The following SKAP2 variants were observed in gnomAD, a reference collection of about 807,000 sequenced individuals.
SKAP2 encodes the protein src kinase associated phosphoprotein 2, also known as src kinase-associated phosphoprotein 2.
A neutral mutation model predicts 54.9 loss-of-function variants in SKAP2; 28 were observed. That is an observed-to-expected ratio of 0.51 (90% confidence interval 0.38 to 0.70). SKAP2 has a LOEUF of 0.70. Ranked by LOEUF, SKAP2 falls within the 30% of genes least tolerant of loss-of-function variation. The pLI is 0.00. For synonymous variants in SKAP2, 137 were observed against 134.3 expected (o/e 1.02, Z -0.14); for missense variants, 356 against 424.1 (o/e 0.84, Z 1.41).
At chr7:26,757,578 C>A (rs1049548901) in intron 4 of SKAP2, among the ~76,000 whole-genome samples, 1 of 152,058 alleles carries the variant, frequency 6.6e-6, no homozygotes, top group Non-Finnish European at 1.5e-5. Flanking sequence ...TTACTGTAGC[C>A]TTGTAGTATA....
intron 9 of SKAP2, among the ~76,000 whole-genome samples, chr7:26,694,940 G>A (rs1255045158): frequency 2.7e-5 from 4 of 150,654 alleles, no homozygotes; most frequent in South Asian, 2.1e-4. Flanking sequence ...GGGCATTTAC[G>A]GCTTACTAAT....
chr7:26,861,975 T>G (rs1419761239), intron 1 of SKAP2, among the ~76,000 whole-genome samples: 1 of 152,014 alleles, frequency 6.6e-6, no homozygotes, highest in African/African-American at 2.4e-5. Context: ...TTCTCTACCT[T>G]GGAATTCTAG....
chr7:26,835,211 C>T (rs1391005070), intron 4 of SKAP2, among the ~76,000 whole-genome samples: 2 of 152,032 alleles, frequency 1.3e-5, no homozygotes, highest in Non-Finnish European at 2.9e-5. Context: ...TAATAAGAGC[C>T]TATTTTTGAC....
intron 4 of SKAP2, among the ~76,000 whole-genome samples, chr7:26,825,583 A>T (rs1258089267): frequency 2.5e-5 from 1 of 39,668 alleles, no homozygotes; most frequent in Non-Finnish European, 5.3e-5. Flanking sequence ...AAACAGTTAA[A>T]AAAAAAAAAA....
Position 26,678,442 on chromosome 7 carries a change from C to CTTTTT in SKAP2, c.987+6289_987+6293dup, listed in dbSNP as rs931425488. ...TTTATTACAATTTTAACTGGTTGTT[C>CTTTTT]TTTTTTTTTTTTTTTTTGAGATGGA... On this transcript the variant is annotated intron_variant, in intron 11 of 12. Transcript: ENST00000345317. Among the ~76,000 whole-genome samples, 283 of 133,812 alleles carry CTTTTT rather than the reference C, an allele frequency of 2.1e-3. 4 individuals are homozygous for CTTTTT. The highest frequency in any genetic ancestry group is 7.5e-3 in the African/African-American group (269 of 35,876). 87.8% of individuals were successfully genotyped at this position (133,812 alleles called of 152,430 possible).
chr7:26,788,894 T>A (rs551192106), intron 4 of SKAP2, among the ~76,000 whole-genome samples: 1 of 152,246 alleles, frequency 6.6e-6, no homozygotes, highest in East Asian at 1.9e-4. Flanking sequence ...TTTCTGAACA[T>A]AGTCTCTTCG....
chr7:26,775,695 C>T (rs1332843704), intron 4 of SKAP2, among the ~76,000 whole-genome samples: 1 of 152,032 alleles, frequency 6.6e-6, no homozygotes, highest in Non-Finnish European at 1.5e-5. Context: ...CCCTCCCACG[C>T]CCCCTTCCCT....
At chr7:26,802,437 A>T (rs1224780051) in intron 4 of SKAP2, among the ~76,000 whole-genome samples, 3 of 152,038 alleles carry the variant, frequency 2.0e-5, no homozygotes, top group Non-Finnish European at 4.4e-5. Context: ...ATGCCTGGCT[A>T]ATTTTATATT....
chr7:26,714,826 C>T (rs935855494), intron 9 of SKAP2, among the ~76,000 whole-genome samples: 3 of 152,158 alleles, frequency 2.0e-5, no homozygotes, highest in Admixed American at 6.5e-5. Flanking sequence ...CAAACTTTAT[C>T]ATATTCTATC....
intron 4 of SKAP2, among the ~76,000 whole-genome samples, chr7:26,802,264 T>TG (rs894893019): frequency 2.8e-5 from 2 of 70,978 alleles, no homozygotes; most frequent in African/African-American, 8.4e-5. Context: ...AAGACAGTTT[T>TG]TTTTTTTTTT....
chr7:26,751,709 ACT>A (rs1204524380), intron 4 of SKAP2, among the ~76,000 whole-genome samples: 4 of 151,768 alleles, frequency 2.6e-5, no homozygotes, highest in East Asian at 1.9e-4. Context: ...TTTTTCCATA[ACT>A]CTTTTTTCAA....
intron 9 of SKAP2, among the ~76,000 whole-genome samples, chr7:26,694,268 G>C (rs988770364): frequency 6.6e-6 from 1 of 152,098 alleles, no homozygotes; most frequent in Non-Finnish European, 1.5e-5. Flanking sequence ...CAGCTATGCA[G>C]TAAAATCCAT....
At chr7:26,701,507 T>C (rs951876672) in intron 9 of SKAP2, among the ~76,000 whole-genome samples, 4 of 152,068 alleles carry the variant, frequency 2.6e-5, no homozygotes, top group African/African-American at 9.7e-5. Flanking sequence ...CCAAGGCAGG[T>C]AGATCACCTG....
intron 4 of SKAP2, among the ~76,000 whole-genome samples, chr7:26,831,522 A>C (rs752770975): frequency 3.1e-4 from 47 of 152,216 alleles, no homozygotes; most frequent in Middle Eastern, 3.2e-3. Flanking sequence ...AGGAAAATTT[A>C]TTTAAGATAA....
At chr7:26,839,986 C>A (rs1784787723) in intron 4 of SKAP2, among the ~76,000 whole-genome samples, 1 of 151,498 alleles carries the variant, frequency 6.6e-6, no homozygotes, top group African/African-American at 2.4e-5. Flanking sequence ...GAAAAGTATA[C>A]CAAAAAAAAT....
At chr7:26,782,481 C>CA (rs1783448542) in intron 4 of SKAP2, among the ~76,000 whole-genome samples, 1 of 152,126 alleles carries the variant, frequency 6.6e-6, no homozygotes, top group Admixed American at 6.5e-5. Flanking sequence ...TGTGTCCCCC[C>CA]CAAATTCATA....
chr7:26,701,690 A>C (rs1471397870), intron 9 of SKAP2, among the ~76,000 whole-genome samples: 1 of 152,112 alleles, frequency 6.6e-6, no homozygotes, highest in Non-Finnish European at 1.5e-5. Flanking sequence ...GCCCCACTGC[A>C]CTCTGGCCTG....
chr7:26,707,304 G>A (rs1209665861), intron 9 of SKAP2, among the ~76,000 whole-genome samples: 2 of 151,912 alleles, frequency 1.3e-5, no homozygotes, highest in African/African-American at 4.8e-5. Context: ...ACGCTGCAGT[G>A]AGCCAAGATC....
intron 10 of SKAP2, among the ~76,000 whole-genome samples, chr7:26,688,740 AT>A (rs752858807): frequency 4.6e-5 from 7 of 152,162 alleles, no homozygotes; most frequent in Non-Finnish European, 7.4e-5. Flanking sequence ...AAAGGCAAAA[AT>A]TTGGGAGATG....
Sources: allele counts gnomAD v4.1 joint callset (sites outside exome capture counted in the v4.1 genomes callset), GRCh38; gene constraint gnomAD v4.1.1; transcripts MANE v1.5; gene names NCBI Gene and HGNC (gene_info 2026-07-23, HGNC 2026-07-21).